CATSPERB: variants seen among roughly 807,000 people sequenced by gnomAD.
CATSPERB encodes the protein cation channel sperm-associated auxiliary subunit beta.
CATSPERB carries 93 observed loss-of-function variants against 128.3 expected under a neutral mutation model. The observed-to-expected ratio is 0.72, with a 90% confidence interval of 0.61 to 0.86. The LOEUF (loss-of-function observed/expected upper bound fraction) is 0.86, where lower values mean the gene tolerates loss of function less well. CATSPERB is among the 40% of genes least tolerant of loss of function. The probability of loss-of-function intolerance (pLI) is 0.00; values close to 1 mark genes in which losing one functional copy is unlikely to be tolerated. For missense variants in CATSPERB, 1,153 were observed against 1,329.5 expected, an observed-to-expected ratio of 0.87 and a Z score of 2.06; for synonymous variants, 381 against 448.8, an observed-to-expected ratio of 0.85 and a Z score of 1.91.
intron 22 of CATSPERB, among the ~76,000 whole-genome samples, chr14:91,598,813 G>C (rs937445797): frequency 1.5e-5 from 2 of 133,702 alleles, no homozygotes; most frequent in African/African-American, 5.7e-5. Flanking sequence ...AGCCGAGATC[G>C]CACCACTGCA....
At chr14:91,728,746 A>G (rs577416174) in intron 2 of CATSPERB, among the ~76,000 whole-genome samples, 8 of 152,238 alleles carry the variant, frequency 5.3e-5, no homozygotes, top group Non-Finnish European at 1.2e-4. Flanking sequence ...GACTTCTTCA[A>G]CAAGAATCAT....
rs746766008 is a variant in CATSPERB, at chr14:91,580,865, A to G, written c.*24T>C. On this transcript the variant is annotated 3_prime_UTR_variant, in exon 27 of 27. Transcript: ENST00000256343. Reference sequence around the variant, plus strand: ...ATTGGCTGATAAAACTAGAAAATAAAGAGAAATTATGATCACCATGTGTTC... The same window carrying G: ...ATTGGCTGATAAAACTAGAAAATAAGGAGAAATTATGATCACCATGTGTTC... 1 of 1,574,486 alleles carries G rather than the reference A, an allele frequency of 6.4e-7. No individual in the cohort carries two copies. The highest frequency in any genetic ancestry group is 1.7e-5 in the Admixed American group (1 of 58,334).
chr14:91,639,465 G>A (rs1894449469), intron 15 of CATSPERB, among the ~76,000 whole-genome samples: 1 of 152,080 alleles, frequency 6.6e-6, no homozygotes, highest in South Asian at 2.1e-4. Context: ...ACTGAAGTAG[G>A]GGAAGAAACA....
At position 91,662,934 on chromosome 14, in the gene CATSPERB, T is replaced by C. The variant is rs180888283; in HGVS notation, c.1288-2953A>G. Among the ~76,000 whole-genome samples, 7 of 152,350 alleles carry C rather than the reference T, an allele frequency of 4.6e-5. No individual in the cohort carries two copies. In the East Asian group the frequency reaches 1.3e-3, roughly 29 times the overall value. On this transcript the variant is annotated intron_variant, in intron 14 of 26. Transcript: ENST00000256343. ...GAAATTCTTTATATATTCTTACTTC[T>C]ATAATTCTTTCTTAGTTAAATGTAT...
intron 7 of CATSPERB, among the ~76,000 whole-genome samples, chr14:91,703,509 T>C (rs1050097156): frequency 5.3e-5 from 8 of 152,100 alleles, no homozygotes; most frequent in African/African-American, 1.7e-4. Context: ...TGTGGGGTGG[T>C]CACCAGTAAA....
chr14:91,648,300 A>C (rs956728021), intron 15 of CATSPERB, among the ~76,000 whole-genome samples: 1 of 152,216 alleles, frequency 6.6e-6, no homozygotes, highest in African/African-American at 2.4e-5. Context: ...TGGCATGATG[A>C]AATTCTTTAG....
intron 17 of CATSPERB, among the ~76,000 whole-genome samples, chr14:91,629,227 G>A (rs1894225882): frequency 6.6e-6 from 1 of 152,156 alleles, no homozygotes; most frequent in Admixed American, 6.6e-5. Flanking sequence ...GAAAAGACAT[G>A]GAGGAAATTT....
chr14:91,719,564 T>C (rs541726936), intron 4 of CATSPERB, 86 bp from the exon 5 acceptor site: 914 of 1,088,744 alleles, frequency 8.4e-4, no homozygotes, highest in Non-Finnish European at 1.1e-3. Flanking sequence ...TAAAAGAGAA[T>C]TAAACAAAAA....
intron 19 of CATSPERB, among the ~76,000 whole-genome samples, chr14:91,618,674 G>A (rs1166853136): frequency 6.6e-6 from 1 of 152,142 alleles, no homozygotes; most frequent in African/African-American, 2.4e-5. Context: ...ACCAATTTCT[G>A]CCTGCAGGCC....
intron 14 of CATSPERB, among the ~76,000 whole-genome samples, chr14:91,666,790 G>A (rs944187501): frequency 6.6e-6 from 1 of 152,292 alleles, no homozygotes; most frequent in Admixed American, 6.5e-5. Context: ...TTGAGGGACT[G>A]GTGCTTCAAA....
intron 4 of CATSPERB, among the ~76,000 whole-genome samples, chr14:91,721,084 G>C (rs1896020886): frequency 6.6e-6 from 1 of 150,466 alleles, no homozygotes; most frequent in Admixed American, 6.6e-5. Context: ...AACTCAAAAT[G>C]GATCCAAGAT....
Position 91,726,654 on chromosome 14 carries a change from G to C in CATSPERB, c.80-1486C>G, listed in dbSNP as rs535915032. Among the ~76,000 whole-genome samples, 258 of 152,330 alleles carry C rather than the reference G, an allele frequency of 1.7e-3. 2 individuals are homozygous for C. Among genetic ancestry groups the C allele is most frequent in the Admixed American group, 2.9e-3 (44 of 15,308 alleles). On this transcript the variant is annotated intron_variant, in intron 2 of 26. Coordinates refer to ENST00000256343, the MANE Select transcript of CATSPERB (RefSeq NM_024764.4). ...AAAGAAATAAGTGACCAGTGGGAAT[G>C]AAGAAGTTTTTGCCTTTGTTAGAAG... is the stretch of plus-strand genomic sequence containing the variant.
chr14:91,587,125 T>C, intron 26 of CATSPERB, 77 bp downstream of exon 26: 1 of 1,171,724 alleles, frequency 8.5e-7, no homozygotes, highest in Non-Finnish European at 1.2e-6. Flanking sequence ...TTTTTTCTCT[T>C]CGGTGTCTCT....
At chr14:91,694,994 C>T (rs1490780876) in intron 7 of CATSPERB, among the ~76,000 whole-genome samples, 1 of 152,116 alleles carries the variant, frequency 6.6e-6, no homozygotes, top group African/African-American at 2.4e-5. Context: ...TTTTAACTCT[C>T]AGCTCTTTTC....
At chr14:91,685,048 T>A (rs1319109635) in intron 10 of CATSPERB, among the ~76,000 whole-genome samples, 1 of 152,076 alleles carries the variant, frequency 6.6e-6, no homozygotes, top group Non-Finnish European at 1.5e-5. Context: ...CGCCTCAGCC[T>A]CCCAAACAGC....
chr14:91,587,469 A>G (rs1248206881), intron 25 of CATSPERB, among the ~76,000 whole-genome samples, 193 bp from the exon 26 acceptor site: 1 of 106,330 alleles, frequency 9.4e-6, no homozygotes, highest in Non-Finnish European at 2.0e-5. Context: ...GGGATTCAAT[A>G]GCTGATACTT....
intron 19 of CATSPERB, among the ~76,000 whole-genome samples, chr14:91,620,288 C>G (rs1894018438): frequency 6.6e-6 from 1 of 152,074 alleles, no homozygotes; most frequent in African/African-American, 2.4e-5. Flanking sequence ...TCCATTCCAA[C>G]TTCCTTCCAC....
chr14:91,672,213 T>C (rs180849007), intron 13 of CATSPERB, among the ~76,000 whole-genome samples: 7 of 152,362 alleles, frequency 4.6e-5, no homozygotes, highest in African/African-American at 1.7e-4. Context: ...AGGAAAGAGC[T>C]TTTTCCTTCC....
chr14:91,605,077 C>T (rs1291326569), intron 22 of CATSPERB: 11 of 1,233,316 alleles, frequency 8.9e-6, no homozygotes, highest in Non-Finnish European at 1.3e-5. Context: ...TGGCACTCTT[C>T]TCTGCAGAAG....
Sources: gnomAD v4.1 joint callset for allele counts (sites outside exome capture counted in the v4.1 genomes callset) on GRCh38, gnomAD v4.1.1 for gene constraint, MANE v1.5 for transcripts, NCBI Gene and HGNC (gene_info 2026-07-23, HGNC 2026-07-21) for gene names.